Variants in FILIP1L observed in about 807,000 individuals in gnomAD.
FILIP1L encodes filamin A-interacting protein 1-like.
A neutral mutation model predicts 96.6 loss-of-function variants in FILIP1L; 55 were observed. That is an observed-to-expected ratio of 0.57 (90% CI 0.46 to 0.71). The LOEUF (loss-of-function observed/expected upper bound fraction) is 0.71. Ranked by LOEUF, FILIP1L falls within the 30% of genes least tolerant of loss-of-function variation. FILIP1L has a pLI of 0.00. For missense variants in FILIP1L, 1,304 were observed against 1,321.2 expected, an observed-to-expected ratio of 0.99 and a Z score of 0.20; for synonymous variants, 467 against 473.9, an observed-to-expected ratio of 0.99 and a Z score of 0.19.
chr3:100,061,991 C>T (rs956429806), intron 1 of FILIP1L, among the ~76,000 whole-genome samples: 3 of 149,832 alleles, frequency 2.0e-5, no homozygotes, highest in Non-Finnish European at 1.5e-5. Context: ...TCTCCACAAA[C>T]TTTTTCATCT....
chr3:99,958,239 TA>T (rs1708394331), intron 1 of FILIP1L, among the ~76,000 whole-genome samples: 1 of 146,384 alleles, frequency 6.8e-6, no homozygotes, highest in South Asian at 2.1e-4. Context: ...TTATTATTAT[TA>T]TTATTATTAT....
At chr3:99,981,442 T>C (rs559515272) in intron 1 of FILIP1L, among the ~76,000 whole-genome samples, 1 of 152,308 alleles carries the variant, frequency 6.6e-6, no homozygotes, top group South Asian at 2.1e-4. Flanking sequence ...ATGTCCTGTT[T>C]CTCTGGCCAC....
intron 1 of FILIP1L, among the ~76,000 whole-genome samples, chr3:100,028,455 G>T (rs2107252913): frequency 6.6e-6 from 1 of 152,198 alleles, no homozygotes; most frequent in South Asian, 2.1e-4. Flanking sequence ...TTTTTCTGTT[G>T]TTCCTTGTAA....
intron 1 of FILIP1L, among the ~76,000 whole-genome samples, chr3:99,935,474 C>T (rs190039932): frequency 2.6e-5 from 4 of 152,180 alleles, no homozygotes; most frequent in Non-Finnish European, 5.9e-5. Flanking sequence ...TCAGGAAACC[C>T]AGCCTCTGAT....
intron 1 of FILIP1L, among the ~76,000 whole-genome samples, chr3:99,935,517 G>A (rs571177231): frequency 2.6e-5 from 4 of 152,282 alleles, no homozygotes; most frequent in African/African-American, 9.6e-5. Context: ...CAGGGTCTGT[G>A]TTGTTGCTTA....
chr3:99,927,684 A>G (rs1473880928), intron 3 of FILIP1L, among the ~76,000 whole-genome samples: 4 of 152,166 alleles, frequency 2.6e-5, no homozygotes, highest in Non-Finnish European at 4.4e-5. Context: ...TTTCTATAAT[A>G]TATTTTTTGG....
At chr3:100,066,813 G>A (rs2065673621) in intron 1 of FILIP1L, among the ~76,000 whole-genome samples, 1 of 152,020 alleles carries the variant, frequency 6.6e-6, no homozygotes, top group African/African-American at 2.4e-5. Context: ...TTACAGGCGT[G>A]GCTTTGCTTC....
intron 1 of FILIP1L, among the ~76,000 whole-genome samples, chr3:100,086,872 C>G (rs531666926): frequency 2.0e-5 from 3 of 152,314 alleles, no homozygotes; most frequent in East Asian, 1.9e-4. Context: ...GTCCCTCTCT[C>G]TATTCTCAAC....
chr3:99,966,179 A>G (rs1708646175), intron 1 of FILIP1L, among the ~76,000 whole-genome samples: 1 of 152,172 alleles, frequency 6.6e-6, no homozygotes, highest in African/African-American at 2.4e-5. Flanking sequence ...TTCCTTAGAT[A>G]AGTTGTTTCT....
intron 4 of FILIP1L, among the ~76,000 whole-genome samples, chr3:99,912,083 G>GT (rs2107640105): frequency 6.6e-6 from 1 of 152,120 alleles, no homozygotes; most frequent in South Asian, 2.1e-4. Context: ...ATCATCAATA[G>GT]TTTTATATCT....
chr3:99,959,222 C>T (rs910396865), intron 1 of FILIP1L, among the ~76,000 whole-genome samples: 4 of 152,218 alleles, frequency 2.6e-5, no homozygotes, highest in Non-Finnish European at 5.9e-5. Flanking sequence ...AACTTCAGCT[C>T]ACTGCAACCT....
chr3:99,898,773 A>G (rs1706343345), intron 4 of FILIP1L: 1 of 152,290 alleles, frequency 6.6e-6, no homozygotes, highest in African/African-American at 2.4e-5. Context: ...CTAAAAAAAA[A>G]AAAAAAAAAA....
intron 1 of FILIP1L, among the ~76,000 whole-genome samples, chr3:100,008,990 A>C (rs902213816): frequency 6.6e-6 from 1 of 152,242 alleles, no homozygotes; most frequent in African/African-American, 2.4e-5. Context: ...TTTCATATGC[A>C]ACGATAGTTT....
At chr3:100,025,270 C>G (rs1308278135) in intron 1 of FILIP1L, among the ~76,000 whole-genome samples, 1 of 152,158 alleles carries the variant, frequency 6.6e-6, no homozygotes, top group Non-Finnish European at 1.5e-5. Flanking sequence ...GTCTAAAGGG[C>G]ACAGGCCTCT....
At position 99,830,003 on chromosome 3, in the gene FILIP1L, T is replaced by A. The variant is rs1385995849; in HGVS notation, c.*411A>T. ...ATAATCTGATTTTCTTGACTCAGAT[T>A]AGGAATTTTTGCTATCACCTTTTCT... On this transcript the variant is annotated 3_prime_UTR_variant, in exon 6 of 6. Transcript: ENST00000477258. The A allele has an allele frequency of 6.5e-6, 1 of 152,984 alleles. No homozygotes were observed. 9.5% of individuals were successfully genotyped at this position (152,984 alleles called of 1,614,324 possible).
At chr3:100,104,422 T>A (rs2066360455) in intron 1 of FILIP1L, among the ~76,000 whole-genome samples, 1 of 152,194 alleles carries the variant, frequency 6.6e-6, no homozygotes, top group Non-Finnish European at 1.5e-5. Context: ...GACCCACACT[T>A]TGTTTGAGAT....
intron 1 of FILIP1L, among the ~76,000 whole-genome samples, chr3:99,985,401 G>T (rs2107740695): frequency 6.6e-6 from 1 of 152,090 alleles, no homozygotes; most frequent in African/African-American, 2.4e-5. Context: ...GCATGGTGGT[G>T]CACGCCTGTG....
At chr3:99,996,599 A>C (rs1380528331) in intron 1 of FILIP1L, among the ~76,000 whole-genome samples, 1 of 150,800 alleles carries the variant, frequency 6.6e-6, no homozygotes, top group Non-Finnish European at 1.5e-5. Context: ...GACTGGGAAG[A>C]AAAAGAGGTT....
intron 1 of FILIP1L, among the ~76,000 whole-genome samples, chr3:100,007,725 G>A (rs1710028440): frequency 6.6e-6 from 1 of 151,984 alleles, no homozygotes; most frequent in South Asian, 2.1e-4. Flanking sequence ...AGGCAAAATG[G>A]GCCTTGTTGC....
Sources: gnomAD v4.1 joint callset for allele counts (sites outside exome capture counted in the v4.1 genomes callset) on GRCh38, gnomAD v4.1.1 for gene constraint, MANE v1.5 for transcripts, NCBI Gene and HGNC (gene_info 2026-07-23, HGNC 2026-07-21) for gene names.